Variants in TBC1D22A observed in about 807,000 individuals in gnomAD.
TBC1D22A encodes the protein TBC1 domain family member 22A, also known as putative GTPase activator.
A neutral mutation model predicts 60.2 loss-of-function variants in TBC1D22A; 38 were observed. The ratio of observed to expected loss-of-function variants is 0.63; its 90% confidence interval spans 0.49 to 0.83. TBC1D22A has a LOEUF of 0.83. Ranked by LOEUF, TBC1D22A falls within the 40% of genes least tolerant of loss-of-function variation. The pLI, the probability that TBC1D22A is intolerant of heterozygous loss-of-function variation, is 0.00. For synonymous variants in TBC1D22A, 302 were observed against 281.7 expected (o/e 1.07, Z -0.72); for missense variants, 628 against 701.0 (o/e 0.90, Z 1.18).
At chr22:46,944,150 A>G (rs1602596369) in intron 8 of TBC1D22A, among the ~76,000 whole-genome samples, 1 of 152,186 alleles carries the variant, frequency 6.6e-6, no homozygotes, top group African/African-American at 2.4e-5. Context: ...TTACCATCCC[A>G]TCAGCAAAGG....
At chr22:46,997,818 C>T (rs1176427114) in intron 10 of TBC1D22A, 109 bp downstream of exon 10, 3 of 925,070 alleles carry the variant, frequency 3.2e-6, no homozygotes, top group Non-Finnish European at 5.1e-6. Context: ...CTGGCCTGCT[C>T]AGGATCCCTC....
intron 4 of TBC1D22A, among the ~76,000 whole-genome samples, chr22:46,849,462 G>T (rs2087171182): frequency 6.6e-6 from 1 of 152,204 alleles, no homozygotes; most frequent in East Asian, 1.9e-4. Flanking sequence ...TGAACCTGCT[G>T]TTGACTAAGA....
At chr22:47,094,323 A>G (rs2065089738) in intron 11 of TBC1D22A, among the ~76,000 whole-genome samples, 1 of 152,248 alleles carries the variant, frequency 6.6e-6, no homozygotes, top group Admixed American at 6.5e-5. Context: ...TTCAAGGCTA[A>G]CATTTAAGTC....
At chr22:47,107,608 G>A (rs1363836578) in intron 11 of TBC1D22A, among the ~76,000 whole-genome samples, 2 of 152,220 alleles carry the variant, frequency 1.3e-5, no homozygotes, top group Non-Finnish European at 2.9e-5. Flanking sequence ...GCTATATCAT[G>A]GTCATGAGTC....
intron 8 of TBC1D22A, among the ~76,000 whole-genome samples, chr22:46,958,056 A>G (rs2073301754): frequency 6.6e-6 from 1 of 151,732 alleles, no homozygotes; most frequent in African/African-American, 2.4e-5. Context: ...GGGCTCCTGG[A>G]GGAGGGTGCT....
intron 11 of TBC1D22A, among the ~76,000 whole-genome samples, chr22:47,110,487 AAATAAT>A (rs1428672765): frequency 6.6e-6 from 1 of 152,118 alleles, no homozygotes; most frequent in African/African-American, 2.4e-5. Context: ...TCAATAAAGA[AAATAAT>A]AATAATAAAC....
chr22:46,840,711 T>C (rs1602099866), intron 4 of TBC1D22A, among the ~76,000 whole-genome samples: 1 of 149,176 alleles, frequency 6.7e-6, no homozygotes, highest in Non-Finnish European at 1.5e-5. Context: ...CCAGCCTGGG[T>C]GGCAGAGCGA....
intron 8 of TBC1D22A, among the ~76,000 whole-genome samples, chr22:46,932,114 G>T (rs559431634): frequency 9.2e-5 from 14 of 152,356 alleles, no homozygotes; most frequent in African/African-American, 3.1e-4. Context: ...TCCTGTGCTA[G>T]TCAGAGCAAG....
intron 7 of TBC1D22A, among the ~76,000 whole-genome samples, chr22:46,911,414 A>G (rs933753098): frequency 6.6e-6 from 1 of 152,166 alleles, no homozygotes; most frequent in South Asian, 2.1e-4. Context: ...CCATCCACTC[A>G]TCTGCTCGCC....
rs376369955 is a variant in TBC1D22A at position 47,173,613 on chromosome 22, A to G, written c.1541A>G (p.His514Arg). The change falls in exon 13 of 13, where the codon CAC (histidine) becomes CGC (arginine). Residue 514 changes from histidine (H) to arginine (R), a missense_variant. By Grantham distance (29) the His-to-Arg change is conservative. Coordinates refer to ENST00000337137, the MANE Select transcript of TBC1D22A (RefSeq NM_014346.5). ...TTTGCTTTTGCCGACGCCCCCAATC[A>G]CTACAAGAAATGAGCCCAGGCCCAC... is the stretch of plus-strand genomic sequence containing the variant. ...LKFAFADAPN[H>R]YKK The G allele has an allele frequency of 5.0e-6, 8 of 1,613,708 alleles. No individual in the cohort carries two copies. The African/African-American group carries it at 6.7e-5, about 13-fold the overall frequency.
At chr22:47,050,973 G>A (rs1376190406) in intron 11 of TBC1D22A, among the ~76,000 whole-genome samples, 2 of 152,160 alleles carry the variant, frequency 1.3e-5, no homozygotes, top group Non-Finnish European at 2.9e-5. Flanking sequence ...GCAGTCGCGG[G>A]GACCTTTGCA....
rs184474604 is a variant in TBC1D22A at position 46,826,171 on chromosome 22, A to T, written c.637+28551A>T. Among the ~76,000 whole-genome samples the T allele has an allele frequency of 2.6e-5, 4 of 152,214 alleles. No individual in the cohort carries two copies. The East Asian group carries it at 5.8e-4, about 22-fold the overall frequency. On this transcript the variant is annotated intron_variant, in intron 4 of 12. Coordinates refer to ENST00000337137, the MANE Select transcript of TBC1D22A (RefSeq NM_014346.5). ...GCTGGGATTATAGGCGTGAGCCACC[A>T]CACCCAGCTGGTGGTCTTCTTTTAA...
chr22:46,959,066 C>T (rs1024586245), intron 8 of TBC1D22A, among the ~76,000 whole-genome samples: 11 of 152,276 alleles, frequency 7.2e-5, no homozygotes, highest in African/African-American at 2.6e-4. Flanking sequence ...TGTGTGCTCC[C>T]GGCCGTCTCT....
intron 4 of TBC1D22A, among the ~76,000 whole-genome samples, chr22:46,833,186 G>A (rs1183180245): frequency 6.6e-6 from 1 of 152,214 alleles, no homozygotes; most frequent in Admixed American, 6.5e-5. Flanking sequence ...TATATGTGAT[G>A]ACTAGGCAGT....
intron 10 of TBC1D22A, among the ~76,000 whole-genome samples, chr22:47,024,782 A>G (rs1227469437): frequency 2.0e-5 from 3 of 152,144 alleles, no homozygotes; most frequent in East Asian, 1.9e-4. Flanking sequence ...GCTTGGGCCC[A>G]GGAAGTCAAG....
At chr22:46,830,545 T>C (rs1200940163) in intron 4 of TBC1D22A, among the ~76,000 whole-genome samples, 1 of 152,220 alleles carries the variant, frequency 6.6e-6, no homozygotes, top group Non-Finnish European at 1.5e-5. Context: ...AGCAAAGGGC[T>C]GGTGGAAGGT....
chr22:46,893,040 C>T (rs936011446), intron 6 of TBC1D22A, among the ~76,000 whole-genome samples: 3 of 152,244 alleles, frequency 2.0e-5, no homozygotes, highest in Non-Finnish European at 4.4e-5. Flanking sequence ...CCTTTACATC[C>T]ACTTGGGCGT....
In TBC1D22A at chr22:47,089,819, T is replaced by G. The variant is rs545974767; in HGVS notation, c.1330-21689T>G. Among the ~76,000 whole-genome samples the G allele has an allele frequency of 8.7e-4, 133 of 152,350 alleles. 2 individuals are homozygous for G. Among genetic ancestry groups the G allele is most frequent in the Middle Eastern group, 3.4e-3 (1 of 294 alleles). ...GAATGTGGATTCTTTTTGTTCAAAT[T>G]GGTTCAATAAGACTTTTATTCACAA... On this transcript the variant is annotated intron_variant, in intron 11 of 12. Coordinates refer to ENST00000337137, the MANE Select transcript of TBC1D22A (RefSeq NM_014346.5).
chr22:47,094,006 G>A (rs760848062), intron 11 of TBC1D22A, among the ~76,000 whole-genome samples: 3 of 152,184 alleles, frequency 2.0e-5, no homozygotes, highest in Non-Finnish European at 4.4e-5. Flanking sequence ...TAGCAGGGAC[G>A]AAAAGTAATG....
Sources: gnomAD v4.1 joint callset for allele counts (sites outside exome capture counted in the v4.1 genomes callset) on GRCh38, gnomAD v4.1.1 for gene constraint, MANE v1.5 for transcripts, NCBI Gene and HGNC (gene_info 2026-07-23, HGNC 2026-07-21) for gene names.